Variants in CRELD2 observed in about 807,000 individuals in gnomAD.
CRELD2 encodes the protein CRELD disulfide isomerase 2.
CRELD2 carries 33 observed loss-of-function variants against 48.1 expected under a neutral mutation model. The ratio of observed to expected loss-of-function variants is 0.69; its 90% CI spans 0.52 to 0.92. The LOEUF is 0.92. Among genes scored for constraint, CRELD2 ranks in the 40% least tolerant of loss-of-function variants. CRELD2 has a pLI of 0.00. For missense variants in CRELD2, 477 were observed against 482.4 expected, an observed-to-expected ratio of 0.99 and a Z score of 0.10; for synonymous variants, 220 against 203.9, an observed-to-expected ratio of 1.08 and a Z score of -0.67.
chr22:49,922,740 C>T, intron 6 of CRELD2, 33 bp downstream of exon 6: 2 of 1,229,024 alleles, frequency 1.6e-6, no homozygotes, highest in Non-Finnish European at 2.2e-6. Flanking sequence ...AGGAGGGCGC[C>T]TGCGTGAGGC....
rs532112315 is a variant in CRELD2, at chr22:49,925,123, T to A, written c.869-294T>A. On this transcript the variant is annotated intron_variant, in intron 8 of 9. Transcript: ENST00000328268. Reference sequence around the variant, plus strand: ...TCCAGCCTGGGCGACAGAGCGAGACTCCGCCTCAAAAAAAAAAAAAAAAGG... The same window carrying A: ...TCCAGCCTGGGCGACAGAGCGAGACACCGCCTCAAAAAAAAAAAAAAAAGG... The A allele has an allele frequency of 1.4e-4, 30 of 219,670 alleles. No individual in the cohort carries two copies. In the East Asian group the frequency reaches 3.4e-3, roughly 25 times the overall value. 13.6% of individuals were successfully genotyped at this position (219,670 alleles called of 1,614,324 possible).
At chr22:49,923,085 T>G in intron 6 of CRELD2, 149 bp from the exon 7 acceptor site, 1 of 629,268 alleles carries the variant, frequency 1.6e-6, no homozygotes, top group Non-Finnish European at 2.7e-6. Flanking sequence ...GAGGATGGCA[T>G]TTGAGATGAT....
At position 49,927,240 on chromosome 22, in the gene CRELD2, CT is replaced by C; in HGVS notation, c.1010-13del. The C allele has an allele frequency of 6.2e-7, 1 of 1,611,780 alleles. No individual in the cohort carries two copies. Among genetic ancestry groups the C allele is most frequent in the Non-Finnish European group, 8.5e-7 (1 of 1,179,350 alleles). ...TTGTGCTCAGCCTTGACGACCTATG[CT>C]TGTTTTCTGACAGAAGCCACAGAAG... On this transcript the variant is annotated splice_polypyrimidine_tract_variant and intron_variant, in intron 9 of 9. Transcript: ENST00000328268.
intron 6 of CRELD2, 50 bp from the exon 7 acceptor site, chr22:49,923,184 C>G (rs752513741): frequency 6.9e-7 from 1 of 1,446,612 alleles, no homozygotes; most frequent in Middle Eastern, 2.1e-4. Flanking sequence ...CTTCCCCGCT[C>G]CCTGGCCGGG....
At chr22:49,925,800 G>T in intron 9 of CRELD2, 4 of 1,317,034 alleles carry the variant, frequency 3.0e-6, no homozygotes, top group Non-Finnish European at 2.0e-6. Context: ...GAAGGGGGAA[G>T]TCTCTGAAGC....
chr22:49,922,705 T>A lies in CRELD2; in HGVS notation c.686T>A (p.Val229Glu). 1 of 1,489,746 alleles carries A rather than the reference T, an allele frequency of 6.7e-7. No individual in the cohort carries two copies. The highest frequency in any genetic ancestry group is 8.9e-7 in the Non-Finnish European group (1 of 1,120,242). 92.3% of individuals were successfully genotyped at this position (1,489,746 alleles called of 1,614,324 possible). The change falls in exon 6 of 10, where the codon GTG (valine) becomes GAG (glutamate). Residue 229 changes from valine to glutamate, a missense_variant and splice_region_variant. Physicochemically the swap from Val to Glu is moderately radical, Grantham distance 121. Transcript: ENST00000328268. ...VGWVLDEGAC[V>E]DVDECAAEPP... is the part of the protein sequence containing the mutation. The stretch of plus-strand genomic sequence containing the variant: ...TGGGTGCTGGACGAGGGCGCCTGTG[T>A]GGGTGAGGAGCGGCCCGGGGGTGGA...
Position 49,927,414 on chromosome 22 carries a change from T to C in CRELD2, c.*107T>C. On this transcript the variant is annotated 3_prime_UTR_variant, in exon 10 of 10. Transcript: ENST00000328268. ...ACAGCGGCGGGGAGAGGCTGCCTGC[T>C]CTCTAACGGTTGATTCTCATTTGTC... The C allele has an allele frequency of 1.2e-6, 1 of 844,958 alleles. No homozygotes were observed. Among genetic ancestry groups the C allele is most frequent in the South Asian group, 1.4e-5 (1 of 72,956 alleles). 52.3% of individuals were successfully genotyped at this position (844,958 alleles called of 1,614,324 possible).
chr22:49,918,827 C>A lies in CRELD2; in HGVS notation c.58C>A (p.Pro20Thr). Residue 20 changes from proline (P) to threonine (T), a missense_variant, in exon 1 of 10, where the codon CCC (proline) becomes ACC (threonine). Coordinates refer to ENST00000328268, the MANE Select transcript of CRELD2 (RefSeq NM_024324.5). ...GLLPLLLLLP[P>T]APEAAKKPTP... Reference sequence around the variant, plus strand: ...CCTGCCGCTTCTGCTGCTGCTGCCGCCCGCGCCGGAGGCCGCCAAGAAGCC... The same window carrying A: ...CCTGCCGCTTCTGCTGCTGCTGCCGACCGCGCCGGAGGCCGCCAAGAAGCC... 1 of 1,326,176 alleles carries A rather than the reference C, an allele frequency of 7.5e-7. No individual in the cohort carries two copies. The highest frequency in any genetic ancestry group is 4.0e-5 in the Admixed American group (1 of 25,126). The allele number at this position is 1,326,176 out of a possible 1,614,324, so 82.2% of individuals were successfully genotyped here.
In CRELD2 at chr22:49,927,177, C is replaced by T. The variant is rs891911772; in HGVS notation, c.1010-78C>T. The stretch of plus-strand genomic sequence containing the variant: ...ACTGGACGGGCAGGCCCTGCACATG[C>T]GCTGCTGTCCTGGGAAAGGCCTCAT... On this transcript the variant is annotated intron_variant, in intron 9 of 9. Coordinates refer to ENST00000328268, the MANE Select transcript of CRELD2 (RefSeq NM_024324.5). 8.2e-5 allele frequency: 106 copies of T among 1,294,236 alleles called. No individual in the cohort carries two copies. In the South Asian group the frequency reaches 8.4e-4, roughly 10 times the overall value. 80.2% of individuals were successfully genotyped at this position (1,294,236 alleles called of 1,614,324 possible).
chr22:49,921,441 C>T (rs919082661), intron 4 of CRELD2, 144 bp from the exon 5 acceptor site: 3 of 856,380 alleles, frequency 3.5e-6, no homozygotes, highest in Admixed American at 3.0e-5. Flanking sequence ...AAATCAGTTT[C>T]CCCAAACACC....
chr22:49,920,282 G>A (rs199752594), intron 4 of CRELD2, 35 bp downstream of exon 4: 41 of 1,374,934 alleles, frequency 3.0e-5, no homozygotes, highest in Non-Finnish European at 4.1e-5. Flanking sequence ...CATCTCCTAC[G>A]TCACTTCCCC....
At position 49,923,261 on chromosome 22, in the gene CRELD2, C is replaced by T; in HGVS notation, c.716C>T (p.Pro239Leu). The change falls in exon 7 of 10, where the codon CCT becomes CTT. Residue 239 changes from proline (P) to leucine (L), a missense_variant. Transcript: ENST00000328268. ...GTGGACGAGTGTGCGGCCGAGCCGC[C>T]TCCCTGCAGCGCTGCGCAGTTCTGT... ...VDVDECAAEP[P>L]PCSAAQFCKN... is the part of the protein sequence containing the mutation. 6.3e-7 allele frequency: 1 copy of T among 1,598,694 alleles called. No homozygotes were observed. Among genetic ancestry groups the T allele is most frequent in the Non-Finnish European group, 8.5e-7 (1 of 1,172,846 alleles).
chr22:49,923,332 C>G lies in CRELD2; in HGVS notation c.772+15C>G, dbSNP rs748601582. On this transcript the variant is annotated intron_variant, in intron 7 of 9. Coordinates refer to ENST00000328268, the MANE Select transcript of CRELD2 (RefSeq NM_024324.5). ...CACGTGCGAAGGTGGGCCAGGCGGG[C>G]GGGTCTGCACTCCGGGGCCTGCCGG... The G allele has an allele frequency of 1.2e-5, 17 of 1,382,978 alleles. No individual in the cohort carries two copies. Among genetic ancestry groups the G allele is most frequent in the Non-Finnish European group, 1.6e-5 (17 of 1,035,240 alleles). The allele number at this position is 1,382,978 out of a possible 1,614,324, so 85.7% of individuals were successfully genotyped here. A position where few individuals can be genotyped will look rare whatever the true frequency, so the allele number is the denominator to read the frequency against.
intron 4 of CRELD2, chr22:49,921,346 T>C (rs1011771122): frequency 1.8e-6 from 1 of 544,320 alleles, no homozygotes; most frequent in African/African-American, 1.9e-5. Flanking sequence ...CTAAACGTCA[T>C]CATGCAGCAC....
At chr22:49,919,016 C>T in intron 1 of CRELD2, 118 bp downstream of exon 1, 1 of 961,706 alleles carries the variant, frequency 1.0e-6, no homozygotes, top group Non-Finnish European at 1.5e-6. Flanking sequence ...GGGTCCCCCT[C>T]ACCCTGGATT....
intron 2 of CRELD2, 81 bp from the exon 3 acceptor site, chr22:49,919,649 C>A: frequency 9.4e-7 from 1 of 1,061,636 alleles, no homozygotes; most frequent in South Asian, 1.5e-5. Flanking sequence ...GGCCCCTGCA[C>A]CCAGGTTGGC....
Position 49,918,838 on chromosome 22 carries a change from GGCC to G in CRELD2, c.73_75del (p.Ala25del). 2 of 1,324,196 alleles carry G rather than the reference GGCC, an allele frequency of 1.5e-6. No individual in the cohort carries two copies. The highest frequency in any genetic ancestry group is 4.0e-5 in the South Asian group (2 of 50,298). The allele number at this position is 1,324,196 out of a possible 1,614,324, so 82.0% of individuals were successfully genotyped here. ...TGCTGCTGCTGCCGCCCGCGCCGGAGGCCGCCAAGAAGCCGACGCCCTGCCACC... is the reference window on the plus strand; with the variant it reads ...TGCTGCTGCTGCCGCCCGCGCCGGAGGCCAAGAAGCCGACGCCCTGCCACC... On this transcript the variant is annotated inframe_deletion, in exon 1 of 10. Coordinates refer to ENST00000328268, the MANE Select transcript of CRELD2 (RefSeq NM_024324.5).
Position 49,924,341 on chromosome 22 carries a change from C to A in CRELD2, c.773-19C>A. The stretch of plus-strand genomic sequence containing the variant: ...GTGCCTTGTGCATGTCGGGGTCTGA[C>A]GCTGGCTCCCTGTTGCAGAGTGTGA... On this transcript the variant is annotated intron_variant, in intron 7 of 9. Coordinates refer to ENST00000328268, the MANE Select transcript of CRELD2 (RefSeq NM_024324.5). 1.3e-6 allele frequency: 2 copies of A among 1,591,396 alleles called. No individual in the cohort carries two copies. The highest frequency in any genetic ancestry group is 1.7e-6 in the Non-Finnish European group (2 of 1,164,114).
chr22:49,923,450 G>A (rs1318105178), intron 7 of CRELD2, 133 bp downstream of exon 7: 1 of 744,664 alleles, frequency 1.3e-6, no homozygotes, highest in Non-Finnish European at 2.4e-6. Context: ...GTGTGGCAAA[G>A]TAAGTCATAG....
Sources: gnomAD v4.1 joint callset for allele counts on GRCh38, gnomAD v4.1.1 for gene constraint, MANE v1.5 for transcripts, NCBI Gene and HGNC (gene_info 2026-07-23, HGNC 2026-07-21) for gene names.